ADCYAP1R1: variants seen among roughly 807,000 people sequenced by gnomAD.
The protein encoded by ADCYAP1R1 is ADCYAP receptor type I.
Under a neutral mutation model 67.6 loss-of-function variants are expected in ADCYAP1R1, and 44 were observed. The ratio of observed to expected loss-of-function variants is 0.65; its 90% confidence interval spans 0.51 to 0.84. The LOEUF (loss-of-function observed/expected upper bound fraction) is 0.84. Ranked by LOEUF, ADCYAP1R1 falls within the 40% of genes least tolerant of loss-of-function variation. The pLI, the probability that ADCYAP1R1 is intolerant of heterozygous loss-of-function variation, is 0.00. For synonymous variants in ADCYAP1R1, 222 were observed against 219.6 expected (o/e 1.01, Z -0.10); for missense variants, 477 against 587.9 (o/e 0.81, Z 1.95).
intron 3 of ADCYAP1R1, among the ~76,000 whole-genome samples, chr7:31,077,285 G>C (rs1468532020): frequency 6.6e-6 from 1 of 151,714 alleles, no homozygotes; most frequent in Admixed American, 6.6e-5. Flanking sequence ...TGGTGCATGT[G>C]TGCACATTCA....
At chr7:31,076,759 G>A (rs1795241738) in intron 3 of ADCYAP1R1, among the ~76,000 whole-genome samples, 1 of 152,132 alleles carries the variant, frequency 6.6e-6, no homozygotes, top group South Asian at 2.1e-4. Context: ...TGGGGGGAGT[G>A]GAGCAGCAGC....
chr7:31,092,708 T>A lies in ADCYAP1R1; in HGVS notation c.1019T>A (p.Met340Lys). 9 of 1,612,956 alleles carry A rather than the reference T, an allele frequency of 5.6e-6. No individual in the cohort carries two copies. Among genetic ancestry groups the A allele is most frequent in the Non-Finnish European group, 7.6e-6 (9 of 1,179,796 alleles). ...ILVQKLQSPD[M>K]GGNESSIYLR... is the part of the protein sequence containing the mutation. The stretch of plus-strand genomic sequence containing the variant: ...GTGCAGAAACTTCAGTCTCCAGACA[T>A]GGGAGGCAATGAGTCCAGCATCTAC... The change falls in exon 13 of 16, where the codon ATG (methionine) becomes AAG (lysine). Residue 340 changes from methionine to lysine, a missense_variant. Coordinates refer to ENST00000304166, the MANE Select transcript of ADCYAP1R1 (RefSeq NM_001118.5).
chr7:31,106,026 C>A (rs1562661058), intron 15 of ADCYAP1R1, among the ~76,000 whole-genome samples: 1 of 152,212 alleles, frequency 6.6e-6, no homozygotes, highest in African/African-American at 2.4e-5. Flanking sequence ...AATATGATGT[C>A]TGGGTCTTGT....
intron 15 of ADCYAP1R1, 55 bp downstream of exon 15, chr7:31,104,964 C>G: frequency 6.3e-7 from 1 of 1,582,500 alleles, no homozygotes; most frequent in South Asian, 1.1e-5. Context: ...TTCTGGGGAG[C>G]AGACAGGGGA....
intron 3 of ADCYAP1R1, among the ~76,000 whole-genome samples, chr7:31,071,673 A>G (rs987121388): frequency 2.0e-5 from 3 of 151,990 alleles, no homozygotes; most frequent in Non-Finnish European, 2.9e-5. Context: ...GGCCCGGCCT[A>G]TTCTCTCCTG....
intron 4 of ADCYAP1R1, among the ~76,000 whole-genome samples, chr7:31,079,119 C>T (rs1352246021): frequency 6.6e-6 from 1 of 152,192 alleles, no homozygotes; most frequent in African/African-American, 2.4e-5. Flanking sequence ...GTAGCCCCAT[C>T]TCCATTGCAG....
chr7:31,104,475 G>T (rs1361607346), intron 14 of ADCYAP1R1, among the ~76,000 whole-genome samples: 1 of 152,180 alleles, frequency 6.6e-6, no homozygotes, highest in East Asian at 1.9e-4. Context: ...GACAAGGATG[G>T]CACAGGTCTG....
intron 3 of ADCYAP1R1, among the ~76,000 whole-genome samples, chr7:31,066,944 G>C (rs1231658665): frequency 6.6e-6 from 1 of 152,186 alleles, no homozygotes; most frequent in Non-Finnish European, 1.5e-5. Context: ...TTGGGCTATT[G>C]AGGGGGCATG....
intron 13 of ADCYAP1R1, chr7:31,100,256 G>A (rs958727815): frequency 6.5e-7 from 1 of 1,531,700 alleles, no homozygotes; most frequent in South Asian, 1.2e-5. Context: ...CTGGAGGGGT[G>A]GGGGACGCAT....
intron 13 of ADCYAP1R1, among the ~76,000 whole-genome samples, chr7:31,101,247 C>T (rs996984740): frequency 6.6e-6 from 1 of 152,198 alleles, no homozygotes; most frequent in Admixed American, 6.5e-5. Context: ...TCACTGCATC[C>T]ACCTTGTGGC....
At chr7:31,066,929 ATGGGT>A (rs1190987862) in intron 3 of ADCYAP1R1, among the ~76,000 whole-genome samples, 2 of 152,144 alleles carry the variant, frequency 1.3e-5, no homozygotes, top group African/African-American at 4.8e-5. Context: ...ATTGGAGCAG[ATGGGT>A]TGGGCTATTG....
rs1299803960 is a variant in ADCYAP1R1, at chr7:31,110,687, G to T, written c.*4003G>T. 6.5e-6 allele frequency: 1 copy of T among 152,880 alleles called. No individual in the cohort carries two copies. The highest frequency in any genetic ancestry group is 1.5e-5 in the Non-Finnish European group (1 of 68,090). 9.5% of individuals were successfully genotyped at this position (152,880 alleles called of 1,614,324 possible). ...TTGCAGGAGAAGCAATGGAGTCAGT[G>T]TGGTGTGGGGAGACCTACTTTTTAA... On this transcript the variant is annotated 3_prime_UTR_variant, in exon 16 of 16. Transcript: ENST00000304166.
At chr7:31,064,177 G>T (rs73688751) in intron 2 of ADCYAP1R1, among the ~76,000 whole-genome samples, 19,541 of 152,220 alleles carry the variant, frequency 0.13, 1,426 homozygotes, top group African/African-American at 0.19. Context: ...CTGTAAATAA[G>T]GGTGGCGAGT....
chr7:31,077,173 C>T (rs964960374), intron 3 of ADCYAP1R1, among the ~76,000 whole-genome samples: 6 of 152,314 alleles, frequency 3.9e-5, no homozygotes, highest in African/African-American at 7.2e-5. Context: ...AAACCACTCC[C>T]GGCCCCCTGC....
At chr7:31,106,339 C>G (rs1173275118) in intron 15 of ADCYAP1R1, among the ~76,000 whole-genome samples, 157 bp from the exon 16 acceptor site, 2 of 152,312 alleles carry the variant, frequency 1.3e-5, no homozygotes, top group African/African-American at 2.4e-5. Flanking sequence ...GCTAAAAGCC[C>G]CCACTGGAGA....
At chr7:31,073,793 C>G (rs1045878351) in intron 3 of ADCYAP1R1, among the ~76,000 whole-genome samples, 1 of 152,156 alleles carries the variant, frequency 6.6e-6, no homozygotes, top group Admixed American at 6.5e-5. Flanking sequence ...GGCTAGAGGG[C>G]TGGATGGAGG....
chr7:31,069,331 C>T (rs1794877584), intron 3 of ADCYAP1R1, among the ~76,000 whole-genome samples: 1 of 152,198 alleles, frequency 6.6e-6, no homozygotes, highest in Non-Finnish European at 1.5e-5. Context: ...TTTCCTGCAC[C>T]TTCCCTGCCC....
In ADCYAP1R1 at chr7:31,103,205, C is replaced by G. The variant is rs746738892; in HGVS notation, c.1047-32C>G. The G allele has an allele frequency of 3.1e-6, 5 of 1,611,624 alleles. No individual in the cohort carries two copies. The Admixed American group carries it at 8.3e-5, about 27-fold the overall frequency. On this transcript the variant is annotated intron_variant, in intron 13 of 15. Transcript: ENST00000304166. ...GCTCTGGCCCCGAGCCCTGGAAGTC[C>G]CCAGAGCAGATGTTTTGCTTTCCTC...
Position 31,084,657 on chromosome 7 carries a change from G to A in ADCYAP1R1, c.439-80G>A, listed in dbSNP as rs948207234. 95 of 1,191,406 alleles carry A rather than the reference G, an allele frequency of 8.0e-5. No individual in the cohort carries two copies. The African/African-American group carries it at 1.3e-3, about 16-fold the overall frequency. 73.8% of individuals were successfully genotyped at this position (1,191,406 alleles called of 1,614,324 possible). ...TGGAGGTGGGCAGGCCCTGGCCTGGGAGACTGGGTGCAGGCCTGAGGCAGC... is the reference window on the plus strand; with the variant it reads ...TGGAGGTGGGCAGGCCCTGGCCTGGAAGACTGGGTGCAGGCCTGAGGCAGC... On this transcript the variant is annotated intron_variant, in intron 7 of 15. Coordinates refer to ENST00000304166, the MANE Select transcript of ADCYAP1R1 (RefSeq NM_001118.5).
Sources: allele counts gnomAD v4.1 joint callset (sites outside exome capture counted in the v4.1 genomes callset), GRCh38; gene constraint gnomAD v4.1.1; transcripts MANE v1.5; gene names NCBI Gene and HGNC (gene_info 2026-07-23, HGNC 2026-07-21).